Variants in CDH26 observed in about 807,000 individuals in gnomAD.
CDH26 encodes cadherin-like protein 26.
Under a neutral mutation model 90.3 loss-of-function variants are expected in CDH26, and 83 were observed. The ratio of observed to expected loss-of-function variants is 0.92; its 90% CI spans 0.77 to 1.10. CDH26 has a LOEUF of 1.10. Among genes scored for constraint, CDH26 ranks in the 50% least tolerant of loss-of-function variants. The pLI is 0.00. For missense variants in CDH26, 1,013 were observed against 1,037.6 expected (o/e 0.98, Z 0.33); for synonymous variants, 397 against 396.3 (o/e 1.00, Z -0.02).
At chr20:60,004,470 T>C (rs1199234253) in intron 16 of CDH26, among the ~76,000 whole-genome samples, 6 of 152,084 alleles carry the variant, frequency 3.9e-5, no homozygotes, top group African/African-American at 1.4e-4. Flanking sequence ...GGTGTTTGTG[T>C]ATCTACCTAC....
intron 7 of CDH26, among the ~76,000 whole-genome samples, chr20:60,020,717 G>A (rs1350531995): frequency 6.6e-6 from 1 of 152,166 alleles, no homozygotes; most frequent in East Asian, 1.9e-4. Context: ...ACAGTGGGTG[G>A]GTATGTGTGG....
At chr20:59,961,170 C>T (rs760629932) in intron 1 of CDH26, among the ~76,000 whole-genome samples, 1 of 152,174 alleles carries the variant, frequency 6.6e-6, no homozygotes, top group Non-Finnish European at 1.5e-5. Flanking sequence ...CAAATCCTGT[C>T]CCCATCCTTC....
intron 15 of CDH26, among the ~76,000 whole-genome samples, chr20:60,002,607 G>T (rs578076066): frequency 1.3e-5 from 2 of 152,022 alleles, no homozygotes; most frequent in African/African-American, 2.4e-5. Context: ...GATAGAGCTT[G>T]CAAATCTAAT....
intron 1 of CDH26, among the ~76,000 whole-genome samples, chr20:59,960,616 G>T (rs1384505105): frequency 6.6e-6 from 1 of 152,182 alleles, no homozygotes; most frequent in Non-Finnish European, 1.5e-5. Context: ...TCAGACCAGT[G>T]TCACCCTTCT....
At chr20:60,014,953 C>G (rs1415074437), downstream of CDH26, among the ~76,000 whole-genome samples, 1 of 152,178 alleles carries the variant, frequency 6.6e-6, no homozygotes, top group Non-Finnish European at 1.5e-5. Context: ...GCAACCTCAC[C>G]AGCATTTGCT....
At chr20:59,968,201 G>A (rs1201242617) in intron 1 of CDH26, among the ~76,000 whole-genome samples, 1 of 151,426 alleles carries the variant, frequency 6.6e-6, no homozygotes, top group African/African-American at 2.4e-5. Context: ...AGGTTCAAGC[G>A]ATTCTCTTGT....
exon 9 of CDH26, chr20:60,033,924 C>T (rs1078297): frequency 0.31 from 85,671 of 274,530 alleles, 14,170 homozygotes; most frequent in East Asian, 0.53. Context: ...ATCCAATATG[C>T]ATGTAAGAAT....
At chr20:59,971,105 A>G (rs995498269) in intron 3 of CDH26, among the ~76,000 whole-genome samples, 2 of 152,172 alleles carry the variant, frequency 1.3e-5, no homozygotes, top group Non-Finnish European at 2.9e-5. Context: ...CCTTCCTAGT[A>G]CCAATGGGCC....
In CDH26 at chr20:60,012,833, T is replaced by C; in HGVS notation, c.*103T>C. The C allele has an allele frequency of 2.0e-6, 2 of 1,010,372 alleles. No homozygotes were observed. Among genetic ancestry groups the C allele is most frequent in the South Asian group, 1.6e-5 (1 of 63,580 alleles). The allele number at this position is 1,010,372 out of a possible 1,614,324, so 62.6% of individuals were successfully genotyped here. A position where few individuals can be genotyped will look rare whatever the true frequency, so the allele number is the denominator to read the frequency against. On this transcript the variant is annotated 3_prime_UTR_variant, in exon 18 of 18. Transcript: ENST00000348616. ...TCTTTTCCCTCCTTAAAAGAAAAAT[T>C]ACCTTCTAGTCCTAGGATGAGGACA...
intron 4 of CDH26, among the ~76,000 whole-genome samples, chr20:59,977,172 C>T (rs2061337201): frequency 2.6e-5 from 4 of 152,130 alleles, no homozygotes; most frequent in Admixed American, 2.6e-4. Context: ...AGGGCTGGTG[C>T]TGGTGAGTCC....
intron 17 of CDH26, among the ~76,000 whole-genome samples, chr20:60,007,583 T>G (rs904528567): frequency 2.4e-4 from 36 of 152,160 alleles, no homozygotes; most frequent in African/African-American, 7.2e-4. Flanking sequence ...AGGGGCTGGT[T>G]ATTTAGAACT....
At chr20:60,003,234 C>T (rs2061699360) in intron 16 of CDH26, among the ~76,000 whole-genome samples, 1 of 152,202 alleles carries the variant, frequency 6.6e-6, no homozygotes, top group East Asian at 1.9e-4. Flanking sequence ...ATATGTTTTG[C>T]ACCAGAATTC....
intron 15 of CDH26, 59 bp downstream of exon 15, chr20:60,001,470 C>A: frequency 6.3e-7 from 1 of 1,596,426 alleles, no homozygotes; most frequent in South Asian, 1.1e-5. Flanking sequence ...AACAGTTGGT[C>A]CCCCTGAGAG....
intron 1 of CDH26, among the ~76,000 whole-genome samples, chr20:59,961,859 G>C (rs1021182477): frequency 6.6e-6 from 1 of 152,188 alleles, no homozygotes; most frequent in Non-Finnish European, 1.5e-5. Flanking sequence ...GCTGTGGCAG[G>C]CTTCAAAGAC....
intron 7 of CDH26, among the ~76,000 whole-genome samples, chr20:60,023,291 G>A (rs1042028923): frequency 1.3e-5 from 2 of 152,176 alleles, no homozygotes; most frequent in Admixed American, 6.5e-5. Context: ...TGCTCTTTTG[G>A]ATTTTCTGTC....
intron 9 of CDH26, among the ~76,000 whole-genome samples, chr20:59,991,816 A>C (rs984396076): frequency 1.3e-5 from 2 of 152,114 alleles, no homozygotes; most frequent in Non-Finnish European, 2.9e-5. Context: ...GTTGCAAAGG[A>C]TGCAATCCAA....
intron 13 of CDH26, among the ~76,000 whole-genome samples, chr20:59,998,079 G>A (rs2061623512): frequency 6.6e-6 from 1 of 152,272 alleles, no homozygotes; most frequent in African/African-American, 2.4e-5. Context: ...AAATGTGAGA[G>A]CAGCAGTAAA....
chr20:59,963,471 T>G (rs1601078253), intron 1 of CDH26, among the ~76,000 whole-genome samples: 5 of 152,186 alleles, frequency 3.3e-5, no homozygotes, highest in African/African-American at 1.2e-4. Flanking sequence ...TAGAACAGGA[T>G]TTAAACTCAG....
intron 7 of CDH26, among the ~76,000 whole-genome samples, chr20:60,023,837 T>TA (rs1314809711): frequency 6.6e-6 from 1 of 152,082 alleles, no homozygotes; most frequent in Non-Finnish European, 1.5e-5. Context: ...TAGCAGAAAA[T>TA]AAAACTAGTG....
Sources: allele counts gnomAD v4.1 joint callset (sites outside exome capture counted in the v4.1 genomes callset), GRCh38; gene constraint gnomAD v4.1.1; transcripts MANE v1.5; gene names NCBI Gene and HGNC (gene_info 2026-07-23, HGNC 2026-07-21).